The following SPTB variants were observed in gnomAD, a reference collection of about 807,000 sequenced individuals.
SPTB encodes spectrin beta chain, erythrocytic.
Under a neutral mutation model 256.2 loss-of-function variants are expected in SPTB, and 45 were observed. That is an observed-to-expected ratio of 0.18 (90% CI 0.14 to 0.23). The LOEUF (loss-of-function observed/expected upper bound fraction) is 0.23, where lower values mean the gene tolerates loss of function less well. Among genes scored for constraint, SPTB ranks in the 10% least tolerant of loss-of-function variants. SPTB has a pLI of 1.00. For missense variants in SPTB, 2,715 were observed against 3,040.4 expected, an observed-to-expected ratio of 0.89 and a Z score of 2.52; for synonymous variants, 1,231 against 1,243.1, an observed-to-expected ratio of 0.99 and a Z score of 0.21.
chr14:64,801,702 T>G, intron 6 of SPTB, 52 bp downstream of exon 6: 1 of 1,551,364 alleles, frequency 6.4e-7, no homozygotes, highest in South Asian at 1.1e-5. Flanking sequence ...TGTCCAAATA[T>G]TCCCAGGGAG....
In SPTB at chr14:64,779,328, C is replaced by G; in HGVS notation, c.4474-82G>C. On this transcript the variant is annotated intron_variant, in intron 21 of 35. Transcript: ENST00000644917. This position sits in a 1 kb window ranked among gnomAD's most constrained non-coding sequence, Gnocchi z 4.2. Reference sequence around the variant, plus strand: ...AGTGCTCACCATGGGCGGCGCAGAGCTTTGCTGGCAGTGTCTCCCCAGTTC... The same window carrying G: ...AGTGCTCACCATGGGCGGCGCAGAGGTTTGCTGGCAGTGTCTCCCCAGTTC... 8.6e-7 allele frequency: 1 copy of G among 1,165,136 alleles called. No individual in the cohort carries two copies. Among genetic ancestry groups the G allele is most frequent in the Non-Finnish European group, 1.3e-6 (1 of 793,372 alleles). 72.2% of individuals were successfully genotyped at this position (1,165,136 alleles called of 1,614,324 possible).
chr14:64,848,976 ACAT>A (rs2083736798), intron 1 of SPTB, among the ~76,000 whole-genome samples: 1 of 152,204 alleles, frequency 6.6e-6, no homozygotes, highest in Non-Finnish European at 1.5e-5. Context: ...AAGTTCAGAG[ACAT>A]CATATGGATC....
At chr14:64,821,373 G>A (rs973363175) in intron 2 of SPTB, among the ~76,000 whole-genome samples, 1 of 152,100 alleles carries the variant, frequency 6.6e-6, no homozygotes, top group African/African-American at 2.4e-5. Context: ...CATAGTAGGA[G>A]TACAACAAGC....
chr14:64,795,435 G>T lies in SPTB; in HGVS notation c.1546C>A (p.Leu516Met), dbSNP rs1381156110. The change falls in exon 12 of 36, where the codon CTG becomes ATG. Residue 516 changes from leucine (L) to methionine (M), a missense_variant. Around this residue, in one of 4 missense-constraint regions of SPTB, gnomAD observed 2,239 missense variants for 2,384.4 expected, o/e 0.94. Coordinates refer to ENST00000644917, the MANE Select transcript of SPTB (RefSeq NM_001355436.2). This position sits in a 1 kb window ranked among gnomAD's most constrained non-coding sequence, Gnocchi z 6.5. ...ILRLWSYLQE[L>M]LQSRRQRLET... ...AGCCTCTGGCGCCGGGACTGCAGCAGCTCCTGCAGGTAGCTCCATAGGCGC... is the reference window on the plus strand; with the variant it reads ...AGCCTCTGGCGCCGGGACTGCAGCATCTCCTGCAGGTAGCTCCATAGGCGC... 1 of 1,614,234 alleles carries T rather than the reference G, an allele frequency of 6.2e-7. No individual in the cohort carries two copies. Among genetic ancestry groups the T allele is most frequent in the Admixed American group, 1.7e-5 (1 of 60,030 alleles).
rs2082489849 is a variant in SPTB, at chr14:64,782,484, G to A, written c.4072C>T (p.His1358Tyr). The part of the protein sequence containing the change: ...ALVSQKLEAL[H>Y]RLWDELQATT... The stretch of plus-strand genomic sequence containing the variant: ...GCCTGCAGCTCGTCCCAGAGCCGGT[G>A]CAGGGCTTCCAGCTTTTGGGACACC... The change falls in exon 20 of 36, where the codon CAC becomes TAC. Residue 1358 changes from histidine (H) to tyrosine (Y), a missense_variant. By Grantham distance (83) the His-to-Tyr change is moderately conservative. Transcript: ENST00000644917. 1.9e-6 allele frequency: 3 copies of A among 1,614,040 alleles called. No homozygotes were observed. Among genetic ancestry groups the A allele is most frequent in the Admixed American group, 3.3e-5 (2 of 60,006 alleles).
At chr14:64,819,159 A>C (rs1254164292) in intron 2 of SPTB, among the ~76,000 whole-genome samples, 2 of 152,104 alleles carry the variant, frequency 1.3e-5, no homozygotes, top group African/African-American at 4.8e-5. Flanking sequence ...TTTTCACTTT[A>C]GTTAGGCTGA....
chr14:64,867,420 T>C (rs1882250688), intron 1 of SPTB, among the ~76,000 whole-genome samples: 1 of 152,198 alleles, frequency 6.6e-6, no homozygotes, highest in African/African-American at 2.4e-5. Flanking sequence ...GGTCTGTCCA[T>C]GACCAGCCAG....
chr14:64,770,890 C>T lies in SPTB; in HGVS notation c.5793G>A (p.Arg1931=). 6.2e-7 allele frequency: 1 copy of T among 1,614,094 alleles called. No individual in the cohort carries two copies. Among genetic ancestry groups the T allele is most frequent in the Non-Finnish European group, 8.5e-7 (1 of 1,180,044 alleles). ...SIIRQIETQE[R]PRDVSSVELL... ...CTCAAGGACACTCCCCTCACCTGGG[C>T]CTCTCCTGGGTCTCGATCTGCCGGA... Residue 1931 remains arginine, a synonymous_variant, in exon 27 of 36, where the codon AGG becomes AGA. Transcript: ENST00000644917.
intron 26 of SPTB, among the ~76,000 whole-genome samples, chr14:64,771,764 A>G (rs2082282373): frequency 6.6e-6 from 1 of 152,148 alleles, no homozygotes; most frequent in Non-Finnish European, 1.5e-5. Flanking sequence ...ACAGCCACAC[A>G]CCAGGCCCTC....
chr14:64,808,834 C>A (rs1243257577), intron 2 of SPTB, among the ~76,000 whole-genome samples: 1 of 152,040 alleles, frequency 6.6e-6, no homozygotes, highest in Non-Finnish European at 1.5e-5. Flanking sequence ...GGTCAATGCT[C>A]GAGGGTTCCA....
Position 64,785,434 on chromosome 14 carries a change from G to A in SPTB, c.3855+103C>T. The A allele has an allele frequency of 1.9e-6, 2 of 1,050,506 alleles. No individual in the cohort carries two copies. Among genetic ancestry groups the A allele is most frequent in the Non-Finnish European group, 2.9e-6 (2 of 695,394 alleles). The allele number at this position is 1,050,506 out of a possible 1,614,324, so 65.1% of individuals were successfully genotyped here. ...AGGTCCCCGCTCATGGAATCCCACA[G>A]CTCTTGAGCTAGAAAGGATCCCTGT... On this transcript the variant is annotated intron_variant, in intron 18 of 35. Transcript: ENST00000644917. This position sits in a 1 kb window ranked among gnomAD's most constrained non-coding sequence, Gnocchi z 4.4.
At chr14:64,750,369 AT>A (rs137923877) in intron 33 of SPTB, 79,028 of 422,890 alleles carry the variant, frequency 0.19, 2,024 homozygotes, top group Middle Eastern at 0.23. Flanking sequence ...ACATTTTCGC[AT>A]TTTTTTTTTT....
intron 1 of SPTB, among the ~76,000 whole-genome samples, chr14:64,833,366 C>T (rs1441378049): frequency 6.6e-6 from 1 of 152,104 alleles, no homozygotes; most frequent in East Asian, 1.9e-4. Context: ...GGCTGGCCAA[C>T]ATGGTGAAAC....
intron 1 of SPTB, among the ~76,000 whole-genome samples, chr14:64,848,398 G>A (rs1166392330): frequency 6.6e-6 from 1 of 152,226 alleles, no homozygotes; most frequent in African/African-American, 2.4e-5. Context: ...AGCCTGTGTA[G>A]AGAGCTGGCC....
chr14:64,872,915 T>G (rs1882623283), intron 1 of SPTB, among the ~76,000 whole-genome samples: 1 of 152,232 alleles, frequency 6.6e-6, no homozygotes. Flanking sequence ...GCCATGATTG[T>G]GAGTCATCCC....
intron 1 of SPTB, among the ~76,000 whole-genome samples, chr14:64,832,861 G>A (rs1054773096): frequency 1.3e-5 from 2 of 152,132 alleles, no homozygotes; most frequent in African/African-American, 4.8e-5. Flanking sequence ...CAAGTCTAGT[G>A]GTTTCTGCTG....
Position 64,827,163 on chromosome 14 carries a change from C to A in SPTB, c.-51-4018G>T, listed in dbSNP as rs2083388122. Among the ~76,000 whole-genome samples, 2 of 152,166 alleles carry A rather than the reference C, an allele frequency of 1.3e-5. No homozygotes were observed. The highest frequency in any genetic ancestry group is 2.9e-5 in the Non-Finnish European group (2 of 68,022). On this transcript the variant is annotated intron_variant, in intron 1 of 35. Coordinates refer to ENST00000644917, the MANE Select transcript of SPTB (RefSeq NM_001355436.2). The surrounding 1 kb of genome is among the most constrained non-coding windows in gnomAD (Gnocchi z 4.6). ...GAGCCCAAGCTAGGACCCATGTCAG[C>A]CCTCGCCGAAGCCCCGAGCAGAAGA...
chr14:64,852,862 G>T lies in SPTB; in HGVS notation c.-52+26930C>A, dbSNP rs2083809037. On this transcript the variant is annotated intron_variant, in intron 1 of 35. Transcript: ENST00000644917. This position sits in a 1 kb window ranked among gnomAD's most constrained non-coding sequence, Gnocchi z 4.2. ...ATGAAGCAAAATAGACAGGCTTTCT[G>T]CTCTCGTGGTACTTTCAGTCCAGCA... 6.6e-6 allele frequency among the ~76,000 whole-genome samples: 1 copy of T among 152,118 alleles called. No homozygotes were observed. Among genetic ancestry groups the T allele is most frequent in the Admixed American group, 6.5e-5 (1 of 15,274 alleles).
intron 2 of SPTB, among the ~76,000 whole-genome samples, chr14:64,812,342 G>C (rs2083105390): frequency 6.6e-6 from 1 of 152,130 alleles, no homozygotes; most frequent in Admixed American, 6.5e-5. Context: ...TTTTTCACCA[G>C]GCCAAAATCA....
Sources: gnomAD v4.1 joint callset for allele counts (sites outside exome capture counted in the v4.1 genomes callset) on GRCh38, gnomAD v4.1.1 for gene constraint, gnomAD v4.1.1 regional missense constraint, Gnocchi (gnomAD v3.1) non-coding constraint, MANE v1.5 for transcripts, NCBI Gene and HGNC (gene_info 2026-07-23, HGNC 2026-07-21) for gene names.